The following CNTNAP2 variants were observed in gnomAD, a reference collection of about 807,000 sequenced individuals.
The protein encoded by CNTNAP2 is contactin associated protein 2.
In CNTNAP2, 98 loss-of-function variants were observed where a neutral mutation model predicts 155.2. That is an observed-to-expected ratio of 0.63 (90% CI 0.54 to 0.75). The LOEUF (loss-of-function observed/expected upper bound fraction) is 0.75. CNTNAP2 is among the 30% of genes least tolerant of loss of function. The pLI, the probability that CNTNAP2 is intolerant of heterozygous loss-of-function variation, is 0.00. For synonymous variants in CNTNAP2, 651 were observed against 631.2 expected (o/e 1.03, Z -0.47); for missense variants, 1,727 against 1,688.1 (o/e 1.02, Z -0.40).
At chr7:147,849,017 A>G (rs1227201052) in intron 13 of CNTNAP2, among the ~76,000 whole-genome samples, 2 of 152,198 alleles carry the variant, frequency 1.3e-5, no homozygotes, top group South Asian at 2.1e-4. Context: ...TCTGAAAAGT[A>G]TATTAAATCA....
intron 10 of CNTNAP2, among the ~76,000 whole-genome samples, chr7:147,424,176 C>T (rs1797342239): frequency 6.6e-6 from 1 of 152,168 alleles, no homozygotes; most frequent in Non-Finnish European, 1.5e-5. Flanking sequence ...CCCATTTCTT[C>T]TTCAGCCAAT....
intron 1 of CNTNAP2, among the ~76,000 whole-genome samples, chr7:146,689,386 G>A (rs574001775): frequency 1.3e-5 from 2 of 151,970 alleles, no homozygotes; most frequent in African/African-American, 4.8e-5. Context: ...CCTCCTTAGT[G>A]ACCATGAGAT....
chr7:147,985,841 T>C (rs1801610147), intron 15 of CNTNAP2, among the ~76,000 whole-genome samples: 1 of 152,148 alleles, frequency 6.6e-6, no homozygotes, highest in Non-Finnish European at 1.5e-5. Flanking sequence ...GGCCTGAAAC[T>C]CAGCTTCTGC....
chr7:146,950,994 C>T (rs990345144), intron 3 of CNTNAP2, among the ~76,000 whole-genome samples: 17 of 151,912 alleles, frequency 1.1e-4, no homozygotes, highest in African/African-American at 3.6e-4. Flanking sequence ...TTCTAACTGG[C>T]GTGAGATGGT....
At chr7:147,603,407 A>T (rs1471560937) in intron 12 of CNTNAP2, among the ~76,000 whole-genome samples, 12 of 152,286 alleles carry the variant, frequency 7.9e-5, no homozygotes, top group Non-Finnish European at 1.3e-4. Flanking sequence ...AAAAATCACA[A>T]GCATTCTTAT....
At chr7:147,271,442 A>T (rs762493937) in intron 8 of CNTNAP2, among the ~76,000 whole-genome samples, 1 of 152,136 alleles carries the variant, frequency 6.6e-6, no homozygotes, top group Non-Finnish European at 1.5e-5. Context: ...TGCTCCAGAC[A>T]CCCTGAATGC....
intron 1 of CNTNAP2, among the ~76,000 whole-genome samples, chr7:146,763,030 G>A (rs1802130609): frequency 6.6e-6 from 1 of 151,894 alleles, no homozygotes; most frequent in Non-Finnish European, 1.5e-5. Flanking sequence ...GGGAATTATG[G>A]GAGCTACAAT....
At chr7:146,713,908 T>C (rs1585053849) in intron 1 of CNTNAP2, among the ~76,000 whole-genome samples, 1 of 152,240 alleles carries the variant, frequency 6.6e-6, no homozygotes, top group Non-Finnish European at 1.5e-5. Flanking sequence ...CAGAGCATTA[T>C]TGTAAAAATA....
chr7:146,757,069 G>A (rs1410148240), intron 1 of CNTNAP2, among the ~76,000 whole-genome samples: 1 of 152,030 alleles, frequency 6.6e-6, no homozygotes, highest in Non-Finnish European at 1.5e-5. Flanking sequence ...AACATTTCGA[G>A]TCAGTGATTT....
chr7:147,322,081 C>A (rs1033423965), intron 9 of CNTNAP2, among the ~76,000 whole-genome samples: 1 of 152,104 alleles, frequency 6.6e-6, no homozygotes, highest in Non-Finnish European at 1.5e-5. Flanking sequence ...TCCCAAATGG[C>A]AATTTGAGTG....
chr7:146,184,486 A>T (rs1798595341), intron 1 of CNTNAP2, among the ~76,000 whole-genome samples: 1 of 152,214 alleles, frequency 6.6e-6, no homozygotes, highest in African/African-American at 2.4e-5. Context: ...TACAGTAGGG[A>T]TTAATTAAAT....
chr7:147,523,902 G>C (rs947846623), intron 11 of CNTNAP2, among the ~76,000 whole-genome samples: 2 of 152,110 alleles, frequency 1.3e-5, no homozygotes, highest in Admixed American at 1.3e-4. Flanking sequence ...TCACTCACTT[G>C]CCCCTAATAC....
intron 8 of CNTNAP2, among the ~76,000 whole-genome samples, chr7:147,163,097 C>A (rs1263157728): frequency 1.3e-5 from 2 of 152,128 alleles, no homozygotes; most frequent in African/African-American, 4.8e-5. Flanking sequence ...GAAATTCAGG[C>A]TGTAGAAGCA....
chr7:147,395,860 C>T lies in CNTNAP2; in HGVS notation c.1670+80C>T, dbSNP rs562566983. 2.6e-6 allele frequency: 4 copies of T among 1,518,104 alleles called. No individual in the cohort carries two copies. The East Asian group carries it at 9.1e-5, about 35-fold the overall frequency. 94.0% of individuals were successfully genotyped at this position (1,518,104 alleles called of 1,614,324 possible). On this transcript the variant is annotated intron_variant, in intron 10 of 23. Transcript: ENST00000361727. ...TCTGTTGTGAGACCAGTGAAACATCCCAAAAGAAAATTAAAGTTAAAAACA... is the reference window on the plus strand; with the variant it reads ...TCTGTTGTGAGACCAGTGAAACATCTCAAAAGAAAATTAAAGTTAAAAACA...
intron 13 of CNTNAP2, among the ~76,000 whole-genome samples, chr7:147,886,784 C>T (rs943658961): frequency 6.6e-6 from 1 of 152,154 alleles, no homozygotes; most frequent in Non-Finnish European, 1.5e-5. Flanking sequence ...AATTCACCCT[C>T]TATAAAATTA....
At chr7:146,912,642 T>C (rs1035511912) in intron 3 of CNTNAP2, among the ~76,000 whole-genome samples, 1 of 152,150 alleles carries the variant, frequency 6.6e-6, no homozygotes, top group African/African-American at 2.4e-5. Context: ...AGAGTCCTTA[T>C]TCTAATCTCA....
At chr7:146,117,104 A>G in intron 1 of CNTNAP2, 131 bp downstream of exon 1, 2 of 748,182 alleles carry the variant, frequency 2.7e-6, no homozygotes, top group Non-Finnish European at 4.6e-6. Context: ...GCTGTCACAC[A>G]CTTGCAGCCA....
Position 147,123,457 on chromosome 7 carries a change from T to C in CNTNAP2, c.939+2294T>C, listed in dbSNP as rs561458219. Among the ~76,000 whole-genome samples the C allele has an allele frequency of 3.3e-5, 5 of 152,392 alleles. No individual in the cohort carries two copies. The East Asian group carries it at 9.6e-4, about 29-fold the overall frequency. Reference sequence around the variant, plus strand: ...CACTTGCTATATCGGATCAGCAGTTTCATGGACACTTTGAAGCCCATCTAT... The same window carrying C: ...CACTTGCTATATCGGATCAGCAGTTCCATGGACACTTTGAAGCCCATCTAT... On this transcript the variant is annotated intron_variant, in intron 6 of 23. Coordinates refer to ENST00000361727, the MANE Select transcript of CNTNAP2 (RefSeq NM_014141.6).
chr7:147,095,128 T>A (rs1800501053), intron 4 of CNTNAP2, among the ~76,000 whole-genome samples: 1 of 151,768 alleles, frequency 6.6e-6, no homozygotes, highest in African/African-American at 2.4e-5. Flanking sequence ...CAAGCGATTC[T>A]CCTGCCTGAG....
Sources: allele counts gnomAD v4.1 joint callset (sites outside exome capture counted in the v4.1 genomes callset), GRCh38; gene constraint gnomAD v4.1.1; transcripts MANE v1.5; gene names NCBI Gene and HGNC (gene_info 2026-07-23, HGNC 2026-07-21).